ERCC8: variants seen among roughly 807,000 people sequenced by gnomAD.
The protein encoded by ERCC8 is DNA excision repair protein ERCC-8.
A neutral mutation model predicts 54.9 loss-of-function variants in ERCC8; 52 were observed. The observed-to-expected ratio is 0.95, with a 90% CI of 0.76 to 1.19. The LOEUF (loss-of-function observed/expected upper bound fraction) is 1.19. Ranked by LOEUF, ERCC8 falls within the 50% of genes most tolerant of loss-of-function variation. The pLI is 0.00. For synonymous variants in ERCC8, 146 were observed against 157.2 expected (o/e 0.93, Z 0.53); for missense variants, 514 against 466.1 (o/e 1.10, Z -0.95).
intron 4 of ERCC8, among the ~76,000 whole-genome samples, chr5:60,906,265 A>G (rs1382790475): frequency 6.6e-6 from 1 of 151,920 alleles, no homozygotes; most frequent in African/African-American, 2.4e-5. Flanking sequence ...CGAACTCCTG[A>G]GCTCAAGCAA....
At chr5:60,901,604 A>C (rs1748906437) in intron 7 of ERCC8, among the ~76,000 whole-genome samples, 1 of 152,020 alleles carries the variant, frequency 6.6e-6, no homozygotes, top group African/African-American at 2.4e-5. Flanking sequence ...AAAGCTACAA[A>C]GTTAACTGTA....
At chr5:60,910,440 A>C (rs1749224246) in intron 4 of ERCC8, among the ~76,000 whole-genome samples, 1 of 152,148 alleles carries the variant, frequency 6.6e-6, no homozygotes, top group South Asian at 2.1e-4. Flanking sequence ...GTCTGATAGA[A>C]AATGCATTGA....
chr5:60,908,478 C>A (rs1349403055), intron 4 of ERCC8, among the ~76,000 whole-genome samples: 3 of 151,512 alleles, frequency 2.0e-5, no homozygotes, highest in African/African-American at 7.3e-5. Context: ...TCATTCCAAC[C>A]CTTCCCCATC....
intron 9 of ERCC8, chr5:60,893,234 G>T: frequency 2.0e-6 from 2 of 1,007,436 alleles, no homozygotes; most frequent in Non-Finnish European, 3.2e-6. Context: ...CTTGTAATAA[G>T]CCTTCATAGT....
At chr5:60,891,389 G>T (rs1400373304) in intron 9 of ERCC8, among the ~76,000 whole-genome samples, 1 of 152,082 alleles carries the variant, frequency 6.6e-6, no homozygotes, top group Admixed American at 6.5e-5. Context: ...AAAAACGTAA[G>T]ACATTAGTGA....
chr5:60,881,277 G>T (rs76551326), intron 11 of ERCC8, among the ~76,000 whole-genome samples: 2 of 152,286 alleles, frequency 1.3e-5, no homozygotes, highest in South Asian at 4.2e-4. Context: ...CCCTACTGGG[G>T]GGTGCCTCAC....
chr5:60,918,007 C>A, intron 4 of ERCC8: 1 of 445,402 alleles, frequency 2.2e-6, no homozygotes, highest in Non-Finnish European at 4.2e-6. Context: ...CTCATTTAAT[C>A]CTCACAACCA....
At chr5:60,916,763 A>G (rs1222412353) in intron 4 of ERCC8, among the ~76,000 whole-genome samples, 1 of 152,050 alleles carries the variant, frequency 6.6e-6, no homozygotes, top group Non-Finnish European at 1.5e-5. Context: ...TGTTTTGCTC[A>G]CTAGAATCAT....
Position 60,892,912 on chromosome 5 carries a change from T to C in ERCC8, c.844-1826A>G, listed in dbSNP as rs185466306. 4.1e-6 allele frequency: 3 copies of C among 739,122 alleles called. No individual in the cohort carries two copies. In the African/African-American group the frequency reaches 5.2e-5, roughly 13 times the overall value. The allele number at this position is 739,122 out of a possible 1,614,324, so 45.8% of individuals were successfully genotyped here. ...GGAAGGCCTACAATGTCCATATGGATGTGGGTGCGCATTTCACCAAGGCAG... is the reference window on the plus strand; with the variant it reads ...GGAAGGCCTACAATGTCCATATGGACGTGGGTGCGCATTTCACCAAGGCAG... On this transcript the variant is annotated intron_variant, in intron 9 of 11. Coordinates refer to ENST00000676185, the MANE Select transcript of ERCC8 (RefSeq NM_000082.4).
rs916382661 is a variant in ERCC8 at position 60,869,151 on chromosome 5, T to C, written c.*5464A>G. On this transcript the variant is annotated 3_prime_UTR_variant, in exon 12 of 12. Transcript: ENST00000676185. Reference sequence around the variant, plus strand: ...AATTATAGAATTCACAGAAACGTCTTTAGCTTCTCTAGTCTTCAGTAGTTA... The same window carrying C: ...AATTATAGAATTCACAGAAACGTCTCTAGCTTCTCTAGTCTTCAGTAGTTA... Among the ~76,000 whole-genome samples the C allele has an allele frequency of 1.4e-4, 22 of 152,340 alleles. No homozygotes were observed. Among genetic ancestry groups the C allele is most frequent in the Middle Eastern group, 3.4e-3 (1 of 294 alleles).
At chr5:60,892,932 A>C in intron 9 of ERCC8, 2 of 750,582 alleles carry the variant, frequency 2.7e-6, no homozygotes, top group Admixed American at 3.6e-5. Flanking sequence ...CATTTCACCA[A>C]GGCAGCAATA....
At chr5:60,916,592 C>T (rs1749442697) in intron 4 of ERCC8, among the ~76,000 whole-genome samples, 1 of 151,872 alleles carries the variant, frequency 6.6e-6, no homozygotes, top group Non-Finnish European at 1.5e-5. Context: ...AAAATATACT[C>T]TCATTTTCAA....
chr5:60,890,972 T>C lies in ERCC8; in HGVS notation c.958A>G (p.Thr320Ala), dbSNP rs767147543. The C allele has an allele frequency of 2.5e-6, 4 of 1,613,242 alleles. No individual in the cohort carries two copies. Among genetic ancestry groups the C allele is most frequent in the Admixed American group, 1.7e-5 (1 of 60,024 alleles). Reference protein sequence around the residue: ...VPYGSTIAVYTVYSGEQITML... With the variant: ...VPYGSTIAVYAVYSGEQITML... ...GTTATCTGTTCTCCTGAGTAAACTG[T>C]ATAAACAGCAATGGTGCTACCATAT... is the stretch of plus-strand genomic sequence containing the variant. Residue 320 changes from threonine to alanine, a missense_variant, in exon 10 of 12, where the codon ACA becomes GCA. Thr to Ala is a moderately conservative substitution (Grantham distance 58). Coordinates refer to ENST00000676185, the MANE Select transcript of ERCC8 (RefSeq NM_000082.4).
At chr5:60,911,607 T>C (rs1749267112) in intron 4 of ERCC8, among the ~76,000 whole-genome samples, 1 of 152,246 alleles carries the variant, frequency 6.6e-6, no homozygotes, top group Admixed American at 6.5e-5. Flanking sequence ...AGATCCCACT[T>C]GTCAATTTTG....
At chr5:60,926,907 A>G (rs1285095479) in intron 2 of ERCC8, among the ~76,000 whole-genome samples, 2 of 152,206 alleles carry the variant, frequency 1.3e-5, no homozygotes, top group African/African-American at 2.4e-5. Flanking sequence ...AATGGCTTCC[A>G]AAAGCTTTTC....
Position 60,893,345 on chromosome 5 carries a change from T to C in ERCC8, c.844-2259A>G, listed in dbSNP as rs1466701960. On this transcript the variant is annotated intron_variant, in intron 9 of 11. Transcript: ENST00000676185. ...TCTTAGGATATCCTCACAGTAGCTC[T>C]TGATAGACCTGCGTTTTTGTCTTTC... 8.2e-6 allele frequency: 7 copies of C among 848,730 alleles called. No homozygotes were observed. The African/African-American group carries it at 1.0e-4, about 12-fold the overall frequency. 52.6% of individuals were successfully genotyped at this position (848,730 alleles called of 1,614,324 possible). A position where few individuals can be genotyped will look rare whatever the true frequency, so the allele number is the denominator to read the frequency against.
At chr5:60,892,015 G>A in intron 9 of ERCC8, 1 of 526,262 alleles carries the variant, frequency 1.9e-6, no homozygotes. Context: ...GATTTTATCT[G>A]CACATTTCTG....
chr5:60,926,359 T>A (rs1224596287), intron 2 of ERCC8, among the ~76,000 whole-genome samples: 1 of 152,180 alleles, frequency 6.6e-6, no homozygotes, highest in South Asian at 2.1e-4. Context: ...TGTAATGATG[T>A]AGTAGATTTA....
At chr5:60,908,040 T>G (rs79940900) in intron 4 of ERCC8, among the ~76,000 whole-genome samples, 5 of 152,276 alleles carry the variant, frequency 3.3e-5, no homozygotes, top group Non-Finnish European at 5.9e-5. Context: ...TTTTCCTCTT[T>G]CTCTCCTTGG....
Sources: gnomAD v4.1 joint callset for allele counts (sites outside exome capture counted in the v4.1 genomes callset) on GRCh38, gnomAD v4.1.1 for gene constraint, MANE v1.5 for transcripts, NCBI Gene and HGNC (gene_info 2026-07-23, HGNC 2026-07-21) for gene names.